OLFM1: variants seen among roughly 807,000 people sequenced by gnomAD.
OLFM1 encodes the protein olfactomedin 1.
A neutral mutation model predicts 49.7 loss-of-function variants in OLFM1; 9 were observed. That is an observed-to-expected ratio of 0.18 (90% CI 0.11 to 0.32). OLFM1 has a LOEUF of 0.32. Ranked by LOEUF, OLFM1 falls within the 10% of genes least tolerant of loss-of-function variation. The probability of loss-of-function intolerance (pLI) is 1.00; values close to 1 mark genes in which losing one functional copy is unlikely to be tolerated. For missense variants in OLFM1, 369 were observed against 661.8 expected (o/e 0.56, Z 4.85); for synonymous variants, 240 against 271.8 (o/e 0.88, Z 1.15).
intron 4 of OLFM1, among the ~76,000 whole-genome samples, chr9:135,104,531 C>G (rs991780242): frequency 8.5e-5 from 13 of 152,220 alleles, no homozygotes; most frequent in Non-Finnish European, 1.9e-4. Context: ...CCCGTGTGCG[C>G]TGCTGGATGG....
At chr9:135,105,289 G>A (rs1213595354) in intron 4 of OLFM1, among the ~76,000 whole-genome samples, 1 of 152,232 alleles carries the variant, frequency 6.6e-6, no homozygotes, top group African/African-American at 2.4e-5. Flanking sequence ...CGGGGCCTTG[G>A]AGCAATGCAG....
chr9:135,075,681 C>T, exon 1 of OLFM1: 8 of 1,541,946 alleles, frequency 5.2e-6, no homozygotes, highest in Non-Finnish European at 6.1e-6. Context: ...ACGCAGCCGC[C>T]GGCCGGCCAG....
chr9:135,109,303 T>C (rs1830989655), intron 5 of OLFM1, among the ~76,000 whole-genome samples: 3 of 152,250 alleles, frequency 2.0e-5, no homozygotes, highest in Admixed American at 2.0e-4. Context: ...GCTGTTTGCT[T>C]TGCACAGCGC....
chr9:135,098,161 C>T lies in OLFM1; in HGVS notation c.457-125C>T. On this transcript the variant is annotated intron_variant, in intron 3 of 5. Coordinates refer to ENST00000371793, the MANE Select transcript of OLFM1 (RefSeq NM_001282611.2). The surrounding 1 kb of genome is among the most constrained non-coding windows in gnomAD (Gnocchi z 5.6). ...CTCTTCTAACTCATTTGGACCAGAA[C>T]AAATAAGCCTGTAAATAAAGCGGGA... 2.1e-6 allele frequency: 3 copies of T among 1,446,526 alleles called. No homozygotes were observed. The highest frequency in any genetic ancestry group is 2.7e-6 in the Non-Finnish European group (3 of 1,097,842). The allele number at this position is 1,446,526 out of a possible 1,614,324, so 89.6% of individuals were successfully genotyped here.
intron 5 of OLFM1, among the ~76,000 whole-genome samples, chr9:135,108,065 C>CCCCAT (rs1830970568): frequency 6.6e-6 from 1 of 152,208 alleles, no homozygotes; most frequent in African/African-American, 2.4e-5. Flanking sequence ...TGGCCCCCGC[C>CCCCAT]CCCATCTGGA....
At chr9:135,086,961 T>A (rs572732), upstream of OLFM1, among the ~76,000 whole-genome samples, 1 of 152,058 alleles carries the variant, frequency 6.6e-6, no homozygotes, top group East Asian at 1.9e-4. Flanking sequence ...GCCCCAGACC[T>A]TATGCAGCTC....
Position 135,087,853 on chromosome 9 carries a change from CG to C in OLFM1, c.-134del. The C allele has an allele frequency of 3.2e-6, 3 of 949,142 alleles. No individual in the cohort carries two copies. The highest frequency in any genetic ancestry group is 2.5e-6 in the Non-Finnish European group (2 of 800,258). 58.8% of individuals were successfully genotyped at this position (949,142 alleles called of 1,614,324 possible). On this transcript the variant is annotated 5_prime_UTR_variant, in exon 1 of 6. It removes the in-frame stop codon of an upstream open reading frame in the 5' UTR. Coordinates refer to ENST00000371793, the MANE Select transcript of OLFM1 (RefSeq NM_001282611.2). ...CGCGCGGGGCGGCGGCGGCGGCGGGCGGGCGGCGGCGGGCCGAGGGGGCGCG... is the reference window on the plus strand; with the variant it reads ...CGCGCGGGGCGGCGGCGGCGGCGGGCGGCGGCGGCGGGCCGAGGGGGCGCG...
intron 4 of OLFM1, among the ~76,000 whole-genome samples, chr9:135,101,217 C>T (rs188548473): frequency 1.2e-4 from 19 of 152,232 alleles, no homozygotes; most frequent in Middle Eastern, 3.4e-3. Flanking sequence ...TTCTGTGAGA[C>T]GTGGCCTCCA....
intron 1 of OLFM1, chr9:135,077,038 C>A (rs1037055701): frequency 3.9e-6 from 6 of 1,540,368 alleles, no homozygotes; most frequent in African/African-American, 2.9e-5. Context: ...ATCAGCCAGT[C>A]CCTCCTGGAG....
At chr9:135,075,882 G>T in intron 1 of OLFM1, 1 of 1,468,448 alleles carries the variant, frequency 6.8e-7, no homozygotes, top group Admixed American at 2.3e-5. Flanking sequence ...TCCGGGAACG[G>T]CTCTGGCTCC....
At chr9:135,094,085 C>T (rs1830751616) in intron 2 of OLFM1, among the ~76,000 whole-genome samples, 1 of 152,162 alleles carries the variant, frequency 6.6e-6, no homozygotes, top group South Asian at 2.1e-4. Flanking sequence ...GGCCTTCGCT[C>T]CTGGGGATTT....
intron 3 of OLFM1, chr9:135,097,820 A>G: frequency 6.2e-7 from 1 of 1,613,490 alleles, no homozygotes; most frequent in Non-Finnish European, 8.5e-7. Context: ...GCAGTGACTG[A>G]AGAAGCAGTC....
chr9:135,093,599 C>T (rs777217024), intron 2 of OLFM1, among the ~76,000 whole-genome samples: 2 of 152,174 alleles, frequency 1.3e-5, no homozygotes, highest in Non-Finnish European at 2.9e-5. Flanking sequence ...GCCCCCCTCC[C>T]GCTTCTTAAT....
intron 4 of OLFM1, among the ~76,000 whole-genome samples, chr9:135,103,415 G>A (rs1830896970): frequency 6.6e-6 from 1 of 152,260 alleles, no homozygotes; most frequent in African/African-American, 2.4e-5. Flanking sequence ...CAAGGGCCCT[G>A]GGAGCTGTGC....
At chr9:135,107,909 C>T (rs905988414) in intron 5 of OLFM1, among the ~76,000 whole-genome samples, 1 of 152,106 alleles carries the variant, frequency 6.6e-6, no homozygotes, top group African/African-American at 2.4e-5. Context: ...CCACCATTTC[C>T]ACGAAATCTC....
At chr9:135,118,541 A>AG (rs1301276036) in intron 5 of OLFM1, among the ~76,000 whole-genome samples, 1 of 113,718 alleles carries the variant, frequency 8.8e-6, no homozygotes, top group East Asian at 3.2e-4. Context: ...GGTCTTTGGA[A>AG]TGCTCGCTGG....
At chr9:135,083,184 G>A (rs1470493630), upstream of OLFM1, among the ~76,000 whole-genome samples, 1 of 152,128 alleles carries the variant, frequency 6.6e-6, no homozygotes, top group Non-Finnish European at 1.5e-5. Context: ...CCTGAAAAAC[G>A]TGCATTCAGC....
rs142192500 is a variant in OLFM1 at position 135,119,362 on chromosome 9, G to A, written c.784-142G>A. The A allele has an allele frequency of 2.2e-4, 151 of 677,568 alleles. 1 individual carries two copies. In the East Asian group the frequency reaches 4.0e-3, roughly 18 times the overall value. The allele number at this position is 677,568 out of a possible 1,614,324, so 42.0% of individuals were successfully genotyped here. ...ACGGGGTCTTTGGAGTGCTTTCTGG[G>A]TCTTTGGAGTGCTCACTGGGTCTTT... On this transcript the variant is annotated intron_variant, in intron 5 of 5. Coordinates refer to ENST00000371793, the MANE Select transcript of OLFM1 (RefSeq NM_001282611.2).
intron 5 of OLFM1, among the ~76,000 whole-genome samples, chr9:135,115,202 A>G (rs1831081094): frequency 6.6e-6 from 1 of 152,232 alleles, no homozygotes; most frequent in Non-Finnish European, 1.5e-5. Flanking sequence ...ATCTTCAGCC[A>G]GGGGTGCCAT....
Sources: gnomAD v4.1 joint callset for allele counts (sites outside exome capture counted in the v4.1 genomes callset) on GRCh38, gnomAD v4.1.1 for gene constraint, Gnocchi (gnomAD v3.1) non-coding constraint, MANE v1.5 for transcripts, NCBI Gene and HGNC (gene_info 2026-07-23, HGNC 2026-07-21) for gene names.